The following CLEC17A variants were observed in gnomAD, a reference collection of about 807,000 sequenced individuals.
CLEC17A encodes the protein C-type lectin domain containing 17A.
In CLEC17A, 37 loss-of-function variants were observed where a neutral mutation model predicts 61.3. The ratio of observed to expected loss-of-function variants is 0.60; its 90% confidence interval spans 0.46 to 0.79. The LOEUF is 0.79. CLEC17A is among the 30% of genes least tolerant of loss of function. CLEC17A has a pLI of 0.00. For synonymous variants in CLEC17A, 168 were observed against 164.9 expected (o/e 1.02, Z -0.14); for missense variants, 418 against 464.7 (o/e 0.90, Z 0.92).
At chr19:14,598,366 CCTTT>C (rs2074607727) in intron 10 of CLEC17A, among the ~76,000 whole-genome samples, 1 of 149,998 alleles carries the variant, frequency 6.7e-6, no homozygotes, top group South Asian at 2.1e-4. Context: ...CTTTTTCCTT[CCTTT>C]CTTCCTTCCT....
At position 14,583,096 on chromosome 19, in the gene CLEC17A, C is replaced by A; in HGVS notation, c.-65C>A. The A allele has an allele frequency of 6.3e-7, 1 of 1,577,398 alleles. No homozygotes were observed. Among genetic ancestry groups the A allele is most frequent in the Admixed American group, 1.7e-5 (1 of 58,812 alleles). ...TGAGAGAGCCCCCAGACGCCTGAGT[C>A]GGAGAGACAGGGGGCAGAGGTTGCC... On this transcript the variant is annotated 5_prime_UTR_variant, in exon 1 of 14. Transcript: ENST00000417570.
At chr19:14,598,755 A>C (rs559456260) in intron 10 of CLEC17A, among the ~76,000 whole-genome samples, 2 of 152,128 alleles carry the variant, frequency 1.3e-5, no homozygotes, top group Non-Finnish European at 2.9e-5. Context: ...GATTATGGGC[A>C]TGAGCCACTG....
intron 4 of CLEC17A, among the ~76,000 whole-genome samples, chr19:14,593,185 T>C (rs147727134): frequency 1.3e-4 from 20 of 151,782 alleles, no homozygotes; most frequent in African/African-American, 4.8e-4. Flanking sequence ...GATATAAAAG[T>C]GGAGGTTTGG....
In CLEC17A at chr19:14,611,944, C is replaced by T. The variant is rs1012138941; in HGVS notation, c.*1748C>T. 1.3e-5 allele frequency among the ~76,000 whole-genome samples: 2 copies of T among 152,172 alleles called. No individual in the cohort carries two copies. Among genetic ancestry groups the T allele is most frequent in the Non-Finnish European group, 2.9e-5 (2 of 68,020 alleles). On this transcript the variant is annotated 3_prime_UTR_variant, in exon 14 of 14. Coordinates refer to ENST00000417570, the MANE Select transcript of CLEC17A (RefSeq NM_001204118.2). Reference sequence around the variant, plus strand: ...GCTTGAACCCAGGAGGCGGAGGTTGCAGTGAGCCGAGATTGTGCCACTGCA... The same window carrying T: ...GCTTGAACCCAGGAGGCGGAGGTTGTAGTGAGCCGAGATTGTGCCACTGCA...
At chr19:14,607,369 A>G (rs867728380) in intron 13 of CLEC17A, among the ~76,000 whole-genome samples, 8 of 124,816 alleles carry the variant, frequency 6.4e-5, no homozygotes, top group Non-Finnish European at 1.4e-4. Flanking sequence ...ATGCCCGGCT[A>G]ATTTTTTGTA....
chr19:14,583,048 T>C, upstream of CLEC17A: 1 of 1,172,450 alleles, frequency 8.5e-7, no homozygotes, highest in South Asian at 1.3e-5. Context: ...TGCATGTATT[T>C]GACTTTGAAA....
intron 2 of CLEC17A, among the ~76,000 whole-genome samples, chr19:14,586,204 C>A (rs2074274681): frequency 6.6e-6 from 1 of 151,210 alleles, no homozygotes; most frequent in African/African-American, 2.4e-5. Context: ...TGGCTGACAG[C>A]AACCTCTGCC....
At chr19:14,587,050 G>C (rs1333440503) in intron 2 of CLEC17A, among the ~76,000 whole-genome samples, 1 of 151,602 alleles carries the variant, frequency 6.6e-6, no homozygotes. Context: ...CACCACGCCC[G>C]GCTAGTTTTT....
At position 14,592,276 on chromosome 19, in the gene CLEC17A, G is replaced by C; in HGVS notation, c.200-5G>C. 6.3e-7 allele frequency: 1 copy of C among 1,590,806 alleles called. No homozygotes were observed. ...CTGGGCTCTGACTTGCCTTTCCCCT[G>C]GAAGGGACCATGGAGGAGGAGGAGG... is the stretch of plus-strand genomic sequence containing the variant. On this transcript the variant is annotated splice_region_variant and splice_polypyrimidine_tract_variant and intron_variant, in intron 3 of 13. Transcript: ENST00000417570.
In CLEC17A at chr19:14,595,332, T is replaced by A. The variant is rs759523664; in HGVS notation, c.445+17T>A. 6.2e-7 allele frequency: 1 copy of A among 1,613,566 alleles called. No homozygotes were observed. Among genetic ancestry groups the A allele is most frequent in the South Asian group, 1.1e-5 (1 of 91,086 alleles). On this transcript the variant is annotated intron_variant, in intron 8 of 13. Coordinates refer to ENST00000417570, the MANE Select transcript of CLEC17A (RefSeq NM_001204118.2). Reference sequence around the variant, plus strand: ...CCCTGGCCGGTAAGTGTCCTCCCATTTCCCCTCTGACAGTGGCTAGTGTAT... The same window carrying A: ...CCCTGGCCGGTAAGTGTCCTCCCATATCCCCTCTGACAGTGGCTAGTGTAT...
At chr19:14,606,635 G>T (rs1280960949) in intron 12 of CLEC17A, among the ~76,000 whole-genome samples, 1 of 144,418 alleles carries the variant, frequency 6.9e-6, no homozygotes, top group African/African-American at 2.6e-5. Flanking sequence ...AGCTGAGATC[G>T]CACCACAGCA....
intron 8 of CLEC17A, 92 bp from the exon 9 acceptor site, chr19:14,596,784 T>C (rs2074561922): frequency 4.2e-6 from 6 of 1,431,568 alleles, no homozygotes; most frequent in Non-Finnish European, 4.7e-6. Context: ...TACAGACTTC[T>C]GCCCCCTGCT....
Position 14,611,371 on chromosome 19 carries a change from C to CTTTTTT in CLEC17A, c.*1194_*1199dup, listed in dbSNP as rs71166767. Among the ~76,000 whole-genome samples, 8 of 75,952 alleles carry CTTTTTT rather than the reference C, an allele frequency of 1.1e-4. No homozygotes were observed. Among genetic ancestry groups the CTTTTTT allele is most frequent in the Admixed American group, 1.8e-4 (1 of 5,676 alleles). The allele number at this position is 75,952 out of a possible 152,430, so 49.8% of individuals were successfully genotyped here. On this transcript the variant is annotated 3_prime_UTR_variant, in exon 14 of 14. Coordinates refer to ENST00000417570, the MANE Select transcript of CLEC17A (RefSeq NM_001204118.2). ...AGACTTGGCCCGTGGAACTTCTATC[C>CTTTTTT]TTTTTTTTTTTTTTTTTTTTTTTTG...
Position 14,583,107 on chromosome 19 carries a change from G to T in CLEC17A, c.-54G>T. ...CCAGACGCCTGAGTCGGAGAGACAG[G>T]GGGCAGAGGTTGCCAAGCCCTGGCT... On this transcript the variant is annotated 5_prime_UTR_variant, in exon 1 of 14. Transcript: ENST00000417570. The T allele has an allele frequency of 1.2e-6, 2 of 1,603,930 alleles. No individual in the cohort carries two copies. The highest frequency in any genetic ancestry group is 1.7e-6 in the Non-Finnish European group (2 of 1,171,430).
rs891811502 is a variant in CLEC17A, at chr19:14,594,890, T to G, written c.403+90T>G. 3.9e-6 allele frequency: 5 copies of G among 1,293,982 alleles called. No homozygotes were observed. In the African/African-American group the frequency reaches 7.4e-5, roughly 19 times the overall value. 80.2% of individuals were successfully genotyped at this position (1,293,982 alleles called of 1,614,324 possible). On this transcript the variant is annotated intron_variant, in intron 7 of 13. Coordinates refer to ENST00000417570, the MANE Select transcript of CLEC17A (RefSeq NM_001204118.2). ...CCCAATTTTTATTTATTTATTTTTT[T>G]TGAGACAGAGTCTCACTGTCATCCA...
At chr19:14,593,846 C>T (rs2074480879) in intron 4 of CLEC17A, among the ~76,000 whole-genome samples, 1 of 152,002 alleles carries the variant, frequency 6.6e-6, no homozygotes, top group Non-Finnish European at 1.5e-5. Context: ...CCTGTAGTCC[C>T]AGCTACTTGG....
rs2075016807 is a variant in CLEC17A, at chr19:14,610,288, G to C, written c.*92G>C. 6.7e-7 allele frequency: 1 copy of C among 1,498,614 alleles called. No individual in the cohort carries two copies. The highest frequency in any genetic ancestry group is 1.4e-5 in the African/African-American group (1 of 72,328). The allele number at this position is 1,498,614 out of a possible 1,614,324, so 92.8% of individuals were successfully genotyped here. A position where few individuals can be genotyped will look rare whatever the true frequency, so the allele number is the denominator to read the frequency against. On this transcript the variant is annotated 3_prime_UTR_variant, in exon 14 of 14. Coordinates refer to ENST00000417570, the MANE Select transcript of CLEC17A (RefSeq NM_001204118.2). ...CGTGGACGGCCTTGCCTCTTCGTGA[G>C]TGGACACACAGATGTGCCTCAAACA...
At chr19:14,603,397 A>G (rs2074771793) in intron 12 of CLEC17A, among the ~76,000 whole-genome samples, 1 of 152,200 alleles carries the variant, frequency 6.6e-6, no homozygotes, top group South Asian at 2.1e-4. Context: ...AATGGGCATA[A>G]TGATAATACT....
chr19:14,596,836 C>T, intron 8 of CLEC17A, 40 bp from the exon 9 acceptor site: 2 of 1,599,044 alleles, frequency 1.3e-6, no homozygotes, highest in South Asian at 1.1e-5. Flanking sequence ...CTCTCTGAAG[C>T]CCCAGTATCA....
Sources: gnomAD v4.1 joint callset for allele counts (sites outside exome capture counted in the v4.1 genomes callset) on GRCh38, gnomAD v4.1.1 for gene constraint, MANE v1.5 for transcripts, NCBI Gene and HGNC (gene_info 2026-07-23, HGNC 2026-07-21) for gene names.